Variants in CD300A observed in about 807,000 individuals in gnomAD.
CD300A encodes the protein CMRF35-like molecule 8.
CD300A carries 22 observed loss-of-function variants against 33.6 expected under a neutral mutation model. That is an observed-to-expected ratio of 0.66 (90% CI 0.47 to 0.94). The LOEUF (loss-of-function observed/expected upper bound fraction) is 0.94. Ranked by LOEUF, CD300A falls within the 40% of genes least tolerant of loss-of-function variation. The probability of loss-of-function intolerance (pLI) is 0.00; values close to 1 mark genes in which losing one functional copy is unlikely to be tolerated. For synonymous variants in CD300A, 136 were observed against 148.1 expected (o/e 0.92, Z 0.59); for missense variants, 326 against 360.5 (o/e 0.90, Z 0.77).
chr17:74,467,035 C>G, intron 1 of CD300A: 2 of 1,290,826 alleles, frequency 1.5e-6, no homozygotes, highest in Non-Finnish European at 2.0e-6. Context: ...CAGTTGAATT[C>G]TTACAGGAAG....
intron 4 of CD300A, among the ~76,000 whole-genome samples, chr17:74,477,998 G>A (rs1017940544): frequency 1.3e-5 from 2 of 152,162 alleles, no homozygotes; most frequent in Admixed American, 6.5e-5. Flanking sequence ...GGTATCTACA[G>A]GAGTCACTGC....
chr17:74,477,489 C>T lies in CD300A; in HGVS notation c.587C>T (p.Ala196Val), dbSNP rs1484049988. The T allele has an allele frequency of 3.7e-6, 6 of 1,613,528 alleles. No individual in the cohort carries two copies. The highest frequency in any genetic ancestry group is 4.2e-6 in the Non-Finnish European group (5 of 1,179,822). ...LALLLLLLVGASLLAWRMFQK... is the reference protein window; with the variant it reads ...LALLLLLLVGVSLLAWRMFQK... ...TTGTTGCTGCTTCTGTTGGTGGGGGCCTCCCTGCTAGCCTGGAGGATGTTT... is the reference window on the plus strand; with the variant it reads ...TTGTTGCTGCTTCTGTTGGTGGGGGTCTCCCTGCTAGCCTGGAGGATGTTT... The change falls in exon 4 of 7, where the codon GCC (alanine) becomes GTC (valine). Residue 196 changes from alanine to valine, a missense_variant. Coordinates refer to ENST00000360141, the MANE Select transcript of CD300A (RefSeq NM_007261.4).
intron 6 of CD300A, among the ~76,000 whole-genome samples, chr17:74,482,553 AG>A (rs1289338138): frequency 6.6e-6 from 1 of 151,270 alleles, no homozygotes; most frequent in African/African-American, 2.5e-5. Flanking sequence ...ACAGGAGAAG[AG>A]GGGATCCAGA....
At chr17:74,468,991 G>A (rs1270403187) in intron 1 of CD300A, among the ~76,000 whole-genome samples, 1 of 152,128 alleles carries the variant, frequency 6.6e-6, no homozygotes, top group Admixed American at 6.5e-5. Context: ...TGAAGGAGGT[G>A]AACTACATTA....
intron 1 of CD300A, among the ~76,000 whole-genome samples, chr17:74,472,258 G>A (rs1188478444): frequency 6.8e-6 from 1 of 147,548 alleles, no homozygotes; most frequent in Admixed American, 6.7e-5. Context: ...AAAAATCAAA[G>A]AGTTCTAACC....
intron 1 of CD300A, among the ~76,000 whole-genome samples, chr17:74,467,392 T>C (rs1385794354): frequency 6.6e-6 from 1 of 151,602 alleles, no homozygotes; most frequent in Non-Finnish European, 1.5e-5. Flanking sequence ...GGGTCAGTCC[T>C]CTCCAAGAAG....
chr17:74,482,732 T>TCTTTCGTTCTTTCTTTCTTTCTC (rs1555639394), intron 6 of CD300A, among the ~76,000 whole-genome samples: 4 of 132,946 alleles, frequency 3.0e-5, no homozygotes, highest in African/African-American at 1.2e-4. Flanking sequence ...CTTTCTTTCT[T>TCTTTCGTTCTTTCTTTCTTTCTC]TGGAATCTCG....
intron 3 of CD300A, among the ~76,000 whole-genome samples, 178 bp downstream of exon 3, chr17:74,474,863 G>C (rs1296376272): frequency 6.9e-6 from 1 of 145,688 alleles, no homozygotes; most frequent in Non-Finnish European, 1.5e-5. Flanking sequence ...CTTTGGAAGG[G>C]GGCTCAGGTA....
chr17:74,478,175 G>A (rs935513026), intron 4 of CD300A, among the ~76,000 whole-genome samples: 2 of 152,206 alleles, frequency 1.3e-5, no homozygotes, highest in Non-Finnish European at 2.9e-5. Context: ...CTCACTCCCA[G>A]TGGACTCCAA....
At chr17:74,469,303 G>A (rs1905934362) in intron 1 of CD300A, among the ~76,000 whole-genome samples, 1 of 151,494 alleles carries the variant, frequency 6.6e-6, no homozygotes, top group South Asian at 2.1e-4. Context: ...TGGGAGGATA[G>A]CTTAAGCCCA....
chr17:74,479,265 C>G (rs141889663), intron 4 of CD300A, among the ~76,000 whole-genome samples: 2,266 of 151,864 alleles, frequency 0.015, 23 homozygotes, highest in Admixed American at 0.026. Context: ...GAGACAGAGT[C>G]TCACTCTGTC....
intron 1 of CD300A, chr17:74,469,928 T>C (rs1291774160): frequency 1.0e-6 from 1 of 982,600 alleles, no homozygotes; most frequent in Non-Finnish European, 1.2e-6. Flanking sequence ...AATTCACTGA[T>C]TTCTGTGAAT....
intron 3 of CD300A, 55 bp from the exon 4 acceptor site, chr17:74,477,381 A>G (rs886527776): frequency 8.8e-7 from 1 of 1,142,288 alleles, no homozygotes; most frequent in Non-Finnish European, 1.3e-6. Flanking sequence ...AAAATAAAAA[A>G]GTAAGTTGGA....
intron 1 of CD300A, among the ~76,000 whole-genome samples, chr17:74,470,395 G>T (rs1906017926): frequency 6.6e-6 from 1 of 152,118 alleles, no homozygotes; most frequent in African/African-American, 2.4e-5. Context: ...AGGAGAGAGA[G>T]AAAGAGAGAG....
intron 4 of CD300A, among the ~76,000 whole-genome samples, chr17:74,479,965 G>T (rs1379192324): frequency 1.3e-5 from 2 of 152,144 alleles, no homozygotes; most frequent in Non-Finnish European, 2.9e-5. Flanking sequence ...GGTAGACTGG[G>T]TCTTACCTTC....
At chr17:74,473,978 G>A (rs530266520) in intron 2 of CD300A, 104 bp downstream of exon 2, 135 of 1,309,720 alleles carry the variant, frequency 1.0e-4, no homozygotes, top group African/African-American at 1.0e-3. Context: ...GTGTGTGTGC[G>A]TAAGAGAGAG....
rs1598109277 is a variant in CD300A at position 74,481,709 on chromosome 17, A to T, written c.667-17A>T. 1.3e-6 allele frequency: 2 copies of T among 1,582,256 alleles called. No homozygotes were observed. Among genetic ancestry groups the T allele is most frequent in the East Asian group, 4.5e-5 (2 of 44,148 alleles). ...AGGGCTCCGTGGACACCCACCTGGG[A>T]CCTCCTGCCCACCCAGGCTGCCACG... On this transcript the variant is annotated splice_polypyrimidine_tract_variant and intron_variant, in intron 5 of 6. Coordinates refer to ENST00000360141, the MANE Select transcript of CD300A (RefSeq NM_007261.4).
chr17:74,480,091 T>C lies in CD300A; in HGVS notation c.629-1198T>C, dbSNP rs1906735829. On this transcript the variant is annotated intron_variant, in intron 4 of 6. Coordinates refer to ENST00000360141, the MANE Select transcript of CD300A (RefSeq NM_007261.4). This position sits in a 1 kb window ranked among gnomAD's most constrained non-coding sequence, Gnocchi z 4.2. ...CTTTTTCTCCTTCCCATCAGAACAC[T>C]TGTCCCAGGTGGGGACAGGGAGGGC... 6.6e-6 allele frequency among the ~76,000 whole-genome samples: 1 copy of C among 152,172 alleles called. No homozygotes were observed.
chr17:74,474,647 C>T lies in CD300A; in HGVS notation c.495C>T (p.Ala165=), dbSNP rs775254373. 1 of 1,614,186 alleles carries T rather than the reference C, an allele frequency of 6.2e-7. No homozygotes were observed. Among genetic ancestry groups the T allele is most frequent in the Non-Finnish European group, 8.5e-7 (1 of 1,180,022 alleles). ...TTGCAGTGGGTGCCACCCACAGTGC[C>T]AGCATCCAGGAGGAAACTGAGGAGG... ...TLFAVGATHS[A]SIQEETEEVV... Residue 165 remains alanine (A), a synonymous_variant, in exon 3 of 7, where the codon GCC becomes GCT. Coordinates refer to ENST00000360141, the MANE Select transcript of CD300A (RefSeq NM_007261.4).
Sources: allele counts gnomAD v4.1 joint callset (sites outside exome capture counted in the v4.1 genomes callset), GRCh38; gene constraint gnomAD v4.1.1; non-coding constraint Gnocchi (gnomAD v3.1); transcripts MANE v1.5; gene names NCBI Gene and HGNC (gene_info 2026-07-23, HGNC 2026-07-21).